The following CNN2 variants were observed in gnomAD, a reference collection of about 807,000 sequenced individuals.
CNN2 encodes calponin 2.
A neutral mutation model predicts 31.0 loss-of-function variants in CNN2; 21 were observed. That is an observed-to-expected ratio of 0.68 (90% CI 0.48 to 0.98). The LOEUF (loss-of-function observed/expected upper bound fraction) is 0.98. CNN2 is among the 50% of genes least tolerant of loss of function. The probability of loss-of-function intolerance (pLI) is 0.00; values close to 1 mark genes in which losing one functional copy is unlikely to be tolerated. For missense variants in CNN2, 399 were observed against 427.3 expected, an observed-to-expected ratio of 0.93 and a Z score of 0.58; for synonymous variants, 165 against 179.6, an observed-to-expected ratio of 0.92 and a Z score of 0.65.
rs1410420673 is a variant in CNN2 at position 1,031,372 on chromosome 19, C to G, written c.185+180C>G. Among the ~76,000 whole-genome samples the G allele has an allele frequency of 3.4e-5, 5 of 148,122 alleles. No homozygotes were observed. In the East Asian group the frequency reaches 8.2e-4, roughly 24 times the overall value. ...GCGGTGGATCTCGAGGTCAGGAGTT[C>G]GAGACCAGCCTGGCCAACATGGTGA... On this transcript the variant is annotated intron_variant, in intron 2 of 6. Coordinates refer to ENST00000263097, the MANE Select transcript of CNN2 (RefSeq NM_004368.4).
chr19:1,030,289 A>G (rs977277903), intron 1 of CNN2, among the ~76,000 whole-genome samples: 1 of 152,158 alleles, frequency 6.6e-6, no homozygotes, highest in Non-Finnish European at 1.5e-5. Context: ...GTGCGTGACT[A>G]GAGGCGGTCA....
rs62131169 is a variant in CNN2, at chr19:1,028,292, G to C, written c.63+1568G>C. On this transcript the variant is annotated intron_variant, in intron 1 of 6. Transcript: ENST00000263097. ...TGGGGGCAGGTTGATACCTGCCCTG[G>C]CGGGGGTGAGGACAGAGGCTGGAAG... Among the ~76,000 whole-genome samples the C allele has an allele frequency of 5.8e-3, 884 of 152,008 alleles. 6 individuals are homozygous for C. The highest frequency in any genetic ancestry group is 9.9e-3 in the Non-Finnish European group (674 of 67,928).
intron 4 of CNN2, among the ~76,000 whole-genome samples, chr19:1,033,370 T>G (rs2039531150): frequency 6.6e-6 from 1 of 151,860 alleles, no homozygotes; most frequent in Non-Finnish European, 1.5e-5. Context: ...AAACAAAAAT[T>G]ACCTGGGCGT....
At chr19:1,030,981 T>G (rs2039479814) in intron 1 of CNN2, 90 bp from the exon 2 acceptor site, 2 of 1,458,284 alleles carry the variant, frequency 1.4e-6, no homozygotes, top group Non-Finnish European at 1.8e-6. Flanking sequence ...TGCCCTGGAG[T>G]CCCCGGCCCC....
intron 2 of CNN2, 67 bp from the exon 3 acceptor site, chr19:1,032,325 G>A (rs371573977): frequency 1.5e-5 from 24 of 1,589,330 alleles, no homozygotes; most frequent in Admixed American, 3.3e-5. Context: ...GATCAGCATC[G>A]GGTCTTCACG....
chr19:1,029,595 AG>A (rs1367652410), intron 1 of CNN2, among the ~76,000 whole-genome samples: 2 of 152,134 alleles, frequency 1.3e-5, no homozygotes, highest in African/African-American at 4.8e-5. Context: ...AAATAATCCC[AG>A]GAAGAGATGA....
chr19:1,036,622 G>C (rs777495051), intron 6 of CNN2, 60 bp downstream of exon 6: 2 of 1,607,078 alleles, frequency 1.2e-6, no homozygotes, highest in South Asian at 2.2e-5. Context: ...CTGTGGTCTC[G>C]GCCCCTCCCT....
In CNN2 at chr19:1,038,572, C is replaced by T. The variant is rs1057874; in HGVS notation, c.*672C>T. On this transcript the variant is annotated 3_prime_UTR_variant, in exon 7 of 7. Coordinates refer to ENST00000263097, the MANE Select transcript of CNN2 (RefSeq NM_004368.4). ...CCCTCTCCATGCTCCCCGCCCCAAC[C>T]CACTCTGGCCTCAGTAGATTTTTTT... 0.69 allele frequency: 104,360 copies of T among 152,054 alleles called. 36,024 individuals are homozygous for T. The highest frequency in any genetic ancestry group is 0.77 in the Admixed American group (11,762 of 15,266). The allele number at this position is 152,054 out of a possible 1,614,324, so 9.4% of individuals were successfully genotyped here. A position where few individuals can be genotyped will look rare whatever the true frequency, so the allele number is the denominator to read the frequency against.
At position 1,037,967 on chromosome 19, in the gene CNN2, A is replaced by AAC; in HGVS notation, c.*67_*68insAC. ...GGTTTTTGGGTTTTTCTGTGTTTTC[A>AAC]TCTTTTTTTTTTTTTTCTTAACCCG... On this transcript the variant is annotated 3_prime_UTR_variant, in exon 7 of 7. Coordinates refer to ENST00000263097, the MANE Select transcript of CNN2 (RefSeq NM_004368.4). The AAC allele has an allele frequency of 8.9e-6, 12 of 1,349,706 alleles. No individual in the cohort carries two copies. The highest frequency in any genetic ancestry group is 1.5e-5 in the South Asian group (1 of 67,030). 83.6% of individuals were successfully genotyped at this position (1,349,706 alleles called of 1,614,324 possible). A position where few individuals can be genotyped will look rare whatever the true frequency, so the allele number is the denominator to read the frequency against.
chr19:1,035,544 C>T (rs534148428), intron 4 of CNN2, among the ~76,000 whole-genome samples: 89 of 152,236 alleles, frequency 5.8e-4, no homozygotes, highest in African/African-American at 1.4e-3. Context: ...AGAGAGGAAG[C>T]GAAAACCACG....
At chr19:1,037,132 A>G in intron 6 of CNN2, 1 of 205,218 alleles carries the variant, frequency 4.9e-6, no homozygotes. Context: ...TGCTAGGGTT[A>G]CAGGTGTGAG....
At chr19:1,030,767 G>A (rs10419072) in intron 1 of CNN2, among the ~76,000 whole-genome samples, 19,495 of 152,232 alleles carry the variant, frequency 0.13, 1,320 homozygotes, top group African/African-American at 0.15. Flanking sequence ...GCAGGGCGGG[G>A]AGGCAGATCC....
chr19:1,032,577 TTCA>T lies in CNN2; in HGVS notation c.275_277del (p.Ile92del). The T allele has an allele frequency of 6.2e-7, 1 of 1,613,322 alleles. No homozygotes were observed. The highest frequency in any genetic ancestry group is 8.5e-7 in the Non-Finnish European group (1 of 1,179,956). On this transcript the variant is annotated inframe_deletion, in exon 4 of 7. Transcript: ENST00000263097. Reference sequence around the variant, plus strand: ...TTCCCAGCTAGAAAACCTGTCCAACTTCATCAAGGCCATGGTCAGCTACGGCAT... The same window carrying T: ...TTCCCAGCTAGAAAACCTGTCCAACTTCAAGGCCATGGTCAGCTACGGCAT...
chr19:1,035,448 G>A (rs900534665), intron 4 of CNN2, among the ~76,000 whole-genome samples: 2 of 152,088 alleles, frequency 1.3e-5, no homozygotes, highest in East Asian at 1.9e-4. Flanking sequence ...GGGAGGAGCC[G>A]GGCGCAGACA....
At chr19:1,036,316 T>C (rs1568178308) in intron 5 of CNN2, 70 bp downstream of exon 5, 4 of 1,571,984 alleles carry the variant, frequency 2.5e-6, no homozygotes, top group Non-Finnish European at 3.5e-6. Context: ...GACAGCAGCA[T>C]TGGGGGACAG....
intron 4 of CNN2, among the ~76,000 whole-genome samples, chr19:1,033,335 T>C (rs1214567459): frequency 6.6e-6 from 1 of 151,818 alleles, no homozygotes; most frequent in Non-Finnish European, 1.5e-5. Flanking sequence ...CTGGCCAACA[T>C]GGTGAAACCC....
intron 1 of CNN2, among the ~76,000 whole-genome samples, chr19:1,027,384 C>T (rs866194533): frequency 6.6e-6 from 1 of 152,230 alleles, no homozygotes; most frequent in Non-Finnish European, 1.5e-5. Flanking sequence ...GAAAGAAGAG[C>T]TGGGGCCCGG....
chr19:1,026,721 C>T lies in CNN2; in HGVS notation c.60C>T (p.Asn20=). 1 of 1,550,726 alleles carries T rather than the reference C, an allele frequency of 6.4e-7. No homozygotes were observed. The highest frequency in any genetic ancestry group is 8.7e-7 in the Non-Finnish European group (1 of 1,147,664). Residue 20 remains asparagine, a synonymous_variant, in exon 1 of 7, where the codon AAC becomes AAT. Transcript: ENST00000263097. ...PSYGLSAEVK[N]RLLSKYDPQK... ...ACGGGCTGTCGGCCGAGGTCAAGAACCGGGTGAGTGAGGGGCGCCCCTTGT... is the reference window on the plus strand; with the variant it reads ...ACGGGCTGTCGGCCGAGGTCAAGAATCGGGTGAGTGAGGGGCGCCCCTTGT...
intron 1 of CNN2, among the ~76,000 whole-genome samples, chr19:1,027,971 A>G (rs1341559496): frequency 6.6e-6 from 1 of 152,182 alleles, no homozygotes; most frequent in Non-Finnish European, 1.5e-5. Context: ...TGGGGTGGTC[A>G]AGGCCTGAGC....
Sources: gnomAD v4.1 joint callset for allele counts (sites outside exome capture counted in the v4.1 genomes callset) on GRCh38, gnomAD v4.1.1 for gene constraint, MANE v1.5 for transcripts, NCBI Gene and HGNC (gene_info 2026-07-23, HGNC 2026-07-21) for gene names.